The following TXNDC12 variants were observed in gnomAD, a reference collection of about 807,000 sequenced individuals.
The protein encoded by TXNDC12 is thioredoxin domain containing 12, also known as thioredoxin domain-containing protein 12.
Under a neutral mutation model 24.2 loss-of-function variants are expected in TXNDC12, and 22 were observed. That is an observed-to-expected ratio of 0.91 (90% CI 0.65 to 1.30). The LOEUF is 1.30. TXNDC12 is among the 50% of genes most tolerant of loss of function. The probability of loss-of-function intolerance (pLI) is 0.00; values close to 1 mark genes in which losing one functional copy is unlikely to be tolerated. For synonymous variants in TXNDC12, 58 were observed against 73.4 expected (o/e 0.79, Z 1.07); for missense variants, 184 against 205.8 (o/e 0.89, Z 0.65).
chr1:52,055,391 A>G (rs548413132), upstream of TXNDC12: 18 of 374,354 alleles, frequency 4.8e-5, no homozygotes, highest in African/African-American at 3.7e-4. Context: ...GAGCGGGAAA[A>G]TGTAGGCCAA....
At chr1:52,044,244 G>A (rs1169345758) in intron 1 of TXNDC12, 1 of 152,198 alleles carries the variant, frequency 6.6e-6, no homozygotes, top group Non-Finnish European at 1.5e-5. Context: ...CACAAAGCAA[G>A]CTAAAACCTA....
At chr1:52,054,698 G>A (rs1211177687) in intron 1 of TXNDC12, among the ~76,000 whole-genome samples, 2 of 152,204 alleles carry the variant, frequency 1.3e-5, no homozygotes, top group East Asian at 1.9e-4. Context: ...CCGTTCCTCA[G>A]GACCTCCCAA....
intron 2 of TXNDC12, among the ~76,000 whole-genome samples, chr1:52,040,267 A>G (rs959144851): frequency 2.6e-5 from 4 of 152,026 alleles, no homozygotes; most frequent in African/African-American, 9.7e-5. Flanking sequence ...CTCTGTTTCC[A>G]GGCTGCAGTA....
chr1:52,036,098 C>T (rs563774423), intron 2 of TXNDC12, among the ~76,000 whole-genome samples: 4 of 152,220 alleles, frequency 2.6e-5, no homozygotes, highest in African/African-American at 9.6e-5. Context: ...ACAGCTGACC[C>T]TTGAACAACC....
Position 52,055,036 on chromosome 1 carries a change from C to A in TXNDC12, c.61G>T (p.Val21Phe). The A allele has an allele frequency of 6.2e-7, 1 of 1,614,020 alleles. No homozygotes were observed. The change falls in exon 1 of 7, where the codon GTC (valine) becomes TTC (phenylalanine). Residue 21 changes from valine (V) to phenylalanine (F), a missense_variant. Physicochemically the swap from Val to Phe is conservative, Grantham distance 50 (BLOSUM62 -1). Coordinates refer to ENST00000371626, the MANE Select transcript of TXNDC12 (RefSeq NM_015913.4). ...CCATTATGTCCATCAGAAGAGATGA[C>A]GAGGAGCAGGAAACTGAAGCCCAGC... ...CLLGFSFLLL[V>F]ISSDGHNGLG... is the part of the protein sequence containing the mutation.
Position 52,055,050 on chromosome 1 carries a change from C to G in TXNDC12, c.47G>C (p.Ser16Thr), listed in dbSNP as rs202002637. 5.0e-5 allele frequency: 81 copies of G among 1,614,022 alleles called. 2 individuals carry two copies. The Middle Eastern group carries it at 9.9e-4, about 20-fold the overall frequency. Residue 16 changes from serine to threonine, a missense_variant, in exon 1 of 7, where the codon AGT becomes ACT. Physicochemically the swap from Ser to Thr is moderately conservative, Grantham distance 58 (BLOSUM62 1). Coordinates refer to ENST00000371626, the MANE Select transcript of TXNDC12 (RefSeq NM_015913.4). The stretch of plus-strand genomic sequence containing the variant: ...AGAAGAGATGACGAGGAGCAGGAAA[C>G]TGAAGCCCAGCAAACAGGTGGCCCC... ...RLGATCLLGFSFLLLVISSDG... is the reference protein window; with the variant it reads ...RLGATCLLGFTFLLLVISSDG...
chr1:52,032,773 T>G (rs991619644), intron 2 of TXNDC12: 1 of 1,614,050 alleles, frequency 6.2e-7, no homozygotes, highest in Non-Finnish European at 8.5e-7. Flanking sequence ...GGGATGCATT[T>G]TAGTGTACGA....
chr1:52,047,307 C>G (rs1385185986), intron 1 of TXNDC12, among the ~76,000 whole-genome samples: 2 of 151,976 alleles, frequency 1.3e-5, no homozygotes, highest in Non-Finnish European at 2.9e-5. Context: ...TTTTGAAAGG[C>G]CTCTTCCGAT....
chr1:52,020,912 G>A lies in TXNDC12; in HGVS notation c.*21C>T. ...TTCCTTCCAGAACACTAACTCTGAT[G>A]AAAGAAGGGGCACATTCATGTTACA... is the stretch of plus-strand genomic sequence containing the variant. On this transcript the variant is annotated 3_prime_UTR_variant, in exon 7 of 7. Transcript: ENST00000371626. The A allele has an allele frequency of 6.3e-7, 1 of 1,595,770 alleles. No individual in the cohort carries two copies. The highest frequency in any genetic ancestry group is 8.6e-7 in the Non-Finnish European group (1 of 1,163,242).
At chr1:52,032,747 G>A (rs1459594765) in intron 2 of TXNDC12, 1 of 1,613,828 alleles carries the variant, frequency 6.2e-7, no homozygotes, top group African/African-American at 1.3e-5. Context: ...GCCAGTTGCG[G>A]CAAGTTCTCA....
chr1:52,032,865 C>T (rs1296962461), intron 2 of TXNDC12: 2 of 1,614,144 alleles, frequency 1.2e-6, no homozygotes, highest in East Asian at 2.2e-5. Context: ...TACCAGGAAG[C>T]GTGAGCAAGT....
chr1:52,055,345 C>T (rs2124401711), upstream of TXNDC12: 1 of 457,416 alleles, frequency 2.2e-6, no homozygotes, highest in East Asian at 4.3e-5. Context: ...GCGCGAGTTG[C>T]TTTTCGTGGA....
chr1:52,045,187 T>A (rs1401346853), intron 1 of TXNDC12, among the ~76,000 whole-genome samples: 1 of 152,122 alleles, frequency 6.6e-6, no homozygotes, highest in Admixed American at 6.5e-5. Flanking sequence ...TCCAATTACA[T>A]GACATTGGAA....
In TXNDC12 at chr1:52,045,494, G is replaced by A. The variant is rs1686075073; in HGVS notation, c.98-3897C>T. On this transcript the variant is annotated intron_variant, in intron 1 of 6. Transcript: ENST00000371626. ...AAACTTAAAGGGAAGATCATGTGAAGACATAGAAGACAGCCATCCACAAGA... is the reference window on the plus strand; with the variant it reads ...AAACTTAAAGGGAAGATCATGTGAAAACATAGAAGACAGCCATCCACAAGA... Among the ~76,000 whole-genome samples the A allele has an allele frequency of 1.3e-5, 2 of 152,178 alleles. 1 individual carries two copies. The highest frequency in any genetic ancestry group is 4.1e-4 in the South Asian group (2 of 4,826).
intron 1 of TXNDC12, among the ~76,000 whole-genome samples, chr1:52,046,866 A>AAAAAAATAT (rs1229275355): frequency 3.3e-5 from 1 of 30,172 alleles, no homozygotes; most frequent in African/African-American, 5.4e-5. Context: ...AAAAAAAAAA[A>AAAAAAATAT]ATATATATAT....
At chr1:52,040,764 C>T (rs1430555413) in intron 2 of TXNDC12, among the ~76,000 whole-genome samples, 1 of 152,160 alleles carries the variant, frequency 6.6e-6, no homozygotes, top group Non-Finnish European at 1.5e-5. Context: ...GGCGTGGTGG[C>T]TCACATCTGT....
chr1:52,032,866 G>A (rs771074450), intron 2 of TXNDC12: 11 of 1,614,178 alleles, frequency 6.8e-6, no homozygotes, highest in South Asian at 5.5e-5. Flanking sequence ...ACCAGGAAGC[G>A]TGAGCAAGTC....
At chr1:52,035,538 C>G (rs1171735410) in intron 2 of TXNDC12, among the ~76,000 whole-genome samples, 2 of 152,068 alleles carry the variant, frequency 1.3e-5, no homozygotes, top group Non-Finnish European at 2.9e-5. Flanking sequence ...GAAACCCTGT[C>G]TCTACTAAAA....
At chr1:52,032,652 T>G in intron 2 of TXNDC12, 1 of 1,543,888 alleles carries the variant, frequency 6.5e-7, no homozygotes, top group Non-Finnish European at 8.7e-7. Context: ...AGAAATAAAG[T>G]GGAGTGGAGA....
Sources: allele counts gnomAD v4.1 joint callset (sites outside exome capture counted in the v4.1 genomes callset), GRCh38; gene constraint gnomAD v4.1.1; transcripts MANE v1.5; gene names NCBI Gene and HGNC (gene_info 2026-07-23, HGNC 2026-07-21).